Variants in DGAT2 observed in about 807,000 individuals in gnomAD.
DGAT2 encodes diacylglycerol O-acyltransferase 2, also known as acyl-CoA retinol O-fatty-acyltransferase.
In DGAT2, 33 loss-of-function variants were observed where a neutral mutation model predicts 48.4. The ratio of observed to expected loss-of-function variants is 0.68; its 90% CI spans 0.52 to 0.91. DGAT2 has a LOEUF of 0.91. Among genes scored for constraint, DGAT2 ranks in the 40% least tolerant of loss-of-function variants. DGAT2 has a pLI of 0.00. For missense variants in DGAT2, 446 were observed against 493.7 expected (o/e 0.90, Z 0.92); for synonymous variants, 191 against 194.1 (o/e 0.98, Z 0.13).
At chr11:75,781,850 G>A (rs1254496899) in intron 1 of DGAT2, among the ~76,000 whole-genome samples, 1 of 152,204 alleles carries the variant, frequency 6.6e-6, no homozygotes, top group Non-Finnish European at 1.5e-5. Context: ...AAGATGGCGT[G>A]CGTTTCCTGC....
intron 2 of DGAT2, among the ~76,000 whole-genome samples, chr11:75,785,620 CTCA>C (rs1488403751): frequency 1.3e-5 from 2 of 152,222 alleles, no homozygotes; most frequent in African/African-American, 2.4e-5. Flanking sequence ...AGGTAGCTTC[CTCA>C]GCACGTCAAG....
intron 5 of DGAT2, chr11:75,796,888 G>A (rs920824900): frequency 2.3e-6 from 1 of 438,348 alleles, no homozygotes; most frequent in Non-Finnish European, 4.1e-6. Context: ...CCAACACCTC[G>A]CACCGACTTG....
At chr11:75,798,079 G>A in intron 6 of DGAT2, 148 bp from the exon 7 acceptor site, 2 of 775,140 alleles carry the variant, frequency 2.6e-6, no homozygotes, top group South Asian at 1.6e-5. Flanking sequence ...CTGGTAGAGA[G>A]GGATCATGTG....
At position 75,796,340 on chromosome 11, in the gene DGAT2, C is replaced by G. The variant is rs555508922; in HGVS notation, c.442C>G (p.His148Asp). ...DYFPIQLVKTHNLLTTRNYIF... is the reference protein window; with the variant it reads ...DYFPIQLVKTDNLLTTRNYIF... The stretch of plus-strand genomic sequence containing the variant: ...GTCATCCTTGCAGCTGGTGAAGACA[C>G]ACAACCTGCTGACCACCAGGAACTA... Residue 148 changes from histidine to aspartate, a missense_variant, in exon 5 of 8, where the codon CAC becomes GAC. Coordinates refer to ENST00000228027, the MANE Select transcript of DGAT2 (RefSeq NM_032564.5). The G allele has an allele frequency of 1.1e-5, 17 of 1,613,990 alleles. No individual in the cohort carries two copies. In the South Asian group the frequency reaches 1.5e-4, roughly 15 times the overall value.
At position 75,800,688 on chromosome 11, in the gene DGAT2, A is replaced by G; in HGVS notation, c.*180A>G. ...AAAAGTCAGTATTTCAAGTTCTTTC[A>G]CTTCCAGCTTGCCCTGTTCTAGGTG... On this transcript the variant is annotated 3_prime_UTR_variant, in exon 8 of 8. Coordinates refer to ENST00000228027, the MANE Select transcript of DGAT2 (RefSeq NM_032564.5). 1 of 818,100 alleles carries G rather than the reference A, an allele frequency of 1.2e-6. No individual in the cohort carries two copies. The highest frequency in any genetic ancestry group is 1.8e-6 in the Non-Finnish European group (1 of 544,732). 50.7% of individuals were successfully genotyped at this position (818,100 alleles called of 1,614,324 possible).
Position 75,790,731 on chromosome 11 carries a change from G to A in DGAT2, c.429G>A (p.Gln143=). ...WRYFRDYFPI[Q]LVKTHNLLTT... is the part of the protein sequence containing the mutation. ...ACTTTCGAGACTACTTTCCCATCCA[G>A]GTAAAGTGCTGTGAGTGTTGTTTTG... is the stretch of plus-strand genomic sequence containing the variant. The change falls in exon 4 of 8, where the codon CAG becomes CAA. Residue 143 remains glutamine (Q), a splice_region_variant and synonymous_variant. Transcript: ENST00000228027. 6.2e-7 allele frequency: 1 copy of A among 1,614,194 alleles called. No individual in the cohort carries two copies. Among genetic ancestry groups the A allele is most frequent in the Non-Finnish European group, 8.5e-7 (1 of 1,180,038 alleles).
At position 75,789,568 on chromosome 11, in the gene DGAT2, G is replaced by A. The variant is rs144684805; in HGVS notation, c.251-620G>A. ...CTCCTGGGCAAGTGTCCCCTCTCCG[G>A]TCCCTCTAGTGATGGTCTGGGACTT... is the stretch of plus-strand genomic sequence containing the variant. On this transcript the variant is annotated intron_variant, in intron 2 of 7. Transcript: ENST00000228027. Among the ~76,000 whole-genome samples, 17 of 152,282 alleles carry A rather than the reference G, an allele frequency of 1.1e-4. No homozygotes were observed. In the East Asian group the frequency reaches 3.1e-3, roughly 28 times the overall value.
At chr11:75,771,042 T>C (rs1190298961) in intron 1 of DGAT2, among the ~76,000 whole-genome samples, 3 of 152,156 alleles carry the variant, frequency 2.0e-5, no homozygotes, top group Non-Finnish European at 4.4e-5. Context: ...AAGGTCCCAC[T>C]GTTGTGAGCT....
At chr11:75,791,173 G>T (rs527430532) in intron 4 of DGAT2, among the ~76,000 whole-genome samples, 35 of 152,352 alleles carry the variant, frequency 2.3e-4, no homozygotes, top group African/African-American at 8.4e-4. Flanking sequence ...AGAAGGTAGG[G>T]GTGCTGAAGA....
chr11:75,780,933 G>T (rs1565315081), intron 1 of DGAT2, among the ~76,000 whole-genome samples: 1 of 152,356 alleles, frequency 6.6e-6, no homozygotes, highest in East Asian at 1.9e-4. Flanking sequence ...GGAACTCCGG[G>T]GGCCTGAAGA....
At chr11:75,786,140 A>G (rs2135770011) in intron 2 of DGAT2, among the ~76,000 whole-genome samples, 1 of 152,338 alleles carries the variant, frequency 6.6e-6, no homozygotes, top group Non-Finnish European at 1.5e-5. Context: ...TTACAGGGAC[A>G]GGTAGCCTCA....
At chr11:75,794,809 CAA>C (rs1037486903) in intron 4 of DGAT2, 7 of 152,268 alleles carry the variant, frequency 4.6e-5, no homozygotes, top group Admixed American at 4.6e-4. Context: ...AAAAAGGACT[CAA>C]TGCGTCAGAT....
At chr11:75,797,126 A>T in intron 5 of DGAT2, 32 bp from the exon 6 acceptor site, 1 of 1,454,962 alleles carries the variant, frequency 6.9e-7, no homozygotes, top group African/African-American at 1.5e-5. Context: ...TCCATGGGCA[A>T]CCCTGACTGT....
intron 2 of DGAT2, among the ~76,000 whole-genome samples, chr11:75,786,791 G>A (rs565529315): frequency 1.3e-5 from 2 of 152,188 alleles, no homozygotes; most frequent in Non-Finnish European, 2.9e-5. Context: ...GGCCCTGTTG[G>A]TCTCTCCCTG....
intron 4 of DGAT2, among the ~76,000 whole-genome samples, chr11:75,791,220 A>G (rs1286522665): frequency 6.6e-6 from 1 of 152,228 alleles, no homozygotes; most frequent in African/African-American, 2.4e-5. Flanking sequence ...AGTTCTGTGC[A>G]GGGTGCAGGG....
intron 1 of DGAT2, among the ~76,000 whole-genome samples, chr11:75,778,967 G>T (rs111690017): frequency 6.6e-6 from 1 of 152,160 alleles, no homozygotes; most frequent in Non-Finnish European, 1.5e-5. Flanking sequence ...CCAGGCAAGG[G>T]CAGAGCTGGC....
At chr11:75,780,058 T>C (rs1944844606) in intron 1 of DGAT2, among the ~76,000 whole-genome samples, 1 of 152,154 alleles carries the variant, frequency 6.6e-6, no homozygotes, top group African/African-American at 2.4e-5. Context: ...TAAAGTGACA[T>C]TGGTGCTGTG....
chr11:75,771,085 A>G (rs1944752099), intron 1 of DGAT2, among the ~76,000 whole-genome samples: 1 of 152,190 alleles, frequency 6.6e-6, no homozygotes, highest in South Asian at 2.1e-4. Flanking sequence ...GTATTCAAGT[A>G]GAGACCATGG....
At chr11:75,770,820 T>C (rs1590861145) in intron 1 of DGAT2, among the ~76,000 whole-genome samples, 1 of 151,952 alleles carries the variant, frequency 6.6e-6, no homozygotes, top group Non-Finnish European at 1.5e-5. Context: ...TTAAACTGGG[T>C]GCAAGGATTT....
Sources: gnomAD v4.1 joint callset for allele counts (sites outside exome capture counted in the v4.1 genomes callset) on GRCh38, gnomAD v4.1.1 for gene constraint, MANE v1.5 for transcripts, NCBI Gene and HGNC (gene_info 2026-07-23, HGNC 2026-07-21) for gene names.